ENOX1: variants seen among roughly 807,000 people sequenced by gnomAD.
ENOX1 encodes the protein candidate growth-related and time keeping constitutive hydroquinone (NADH) oxidase.
ENOX1 carries 42 observed loss-of-function variants against 82.5 expected under a neutral mutation model. The observed-to-expected ratio is 0.51, with a 90% CI of 0.40 to 0.66. ENOX1 has a LOEUF of 0.66. Ranked by LOEUF, ENOX1 falls within the 30% of genes least tolerant of loss-of-function variation. ENOX1 has a pLI of 0.00. For synonymous variants in ENOX1, 271 were observed against 282.2 expected (o/e 0.96, Z 0.40); for missense variants, 608 against 811.6 (o/e 0.75, Z 3.05).
rs369366625 is a variant in ENOX1, at chr13:43,616,189, T to G, written c.-219+51290A>C. Among the ~76,000 whole-genome samples, 390 of 12,500 alleles carry G rather than the reference T, an allele frequency of 0.031. 41 individuals are homozygous for G. The East Asian group carries it at 0.39, about 13-fold the overall frequency. 8.2% of individuals were successfully genotyped at this position (12,500 alleles called of 152,430 possible). A position where few individuals can be genotyped will look rare whatever the true frequency, so the allele number is the denominator to read the frequency against. On this transcript the variant is annotated intron_variant, in intron 2 of 16. Coordinates refer to ENST00000690772, the MANE Select transcript of ENOX1 (RefSeq NM_001347969.2). Reference sequence around the variant, plus strand: ...ATCTATCTATCTATCTATCTATCTATATATATATATATATATTTTTTTTTT... The same window carrying G: ...ATCTATCTATCTATCTATCTATCTAGATATATATATATATATTTTTTTTTT...
At chr13:43,655,058 A>G (rs2084367341) in intron 2 of ENOX1, among the ~76,000 whole-genome samples, 1 of 152,016 alleles carries the variant, frequency 6.6e-6, no homozygotes, top group Admixed American at 6.6e-5. Flanking sequence ...GCTCATCCAT[A>G]CACTCAGACC....
rs538105730 is a variant in ENOX1, at chr13:43,517,451, T to C, written c.-218-33299A>G. Among the ~76,000 whole-genome samples, 159 of 152,246 alleles carry C rather than the reference T, an allele frequency of 1.0e-3. 1 individual carries two copies. Among genetic ancestry groups the C allele is most frequent in the African/African-American group, 3.6e-3 (151 of 41,562 alleles). On this transcript the variant is annotated intron_variant, in intron 2 of 16. Transcript: ENST00000690772. The stretch of plus-strand genomic sequence containing the variant: ...AGTTGGAGGTTGCAATGAGCCCAGA[T>C]CGCGCCATTGCACTCCAGCCTGGGC...
chr13:43,555,579 C>A (rs182975326), intron 2 of ENOX1, among the ~76,000 whole-genome samples: 1 of 152,300 alleles, frequency 6.6e-6, no homozygotes, highest in East Asian at 1.9e-4. Context: ...TTAGCAGGAT[C>A]AATATCTCTC....
chr13:43,605,349 C>G (rs1289602526), intron 2 of ENOX1, among the ~76,000 whole-genome samples: 1 of 151,936 alleles, frequency 6.6e-6, no homozygotes, highest in Non-Finnish European at 1.5e-5. Context: ...CCAAAATAGC[C>G]AAAGCTATAC....
At chr13:43,747,064 A>C (rs925178438) in intron 1 of ENOX1, among the ~76,000 whole-genome samples, 4 of 152,160 alleles carry the variant, frequency 2.6e-5, no homozygotes, top group Admixed American at 6.5e-5. Flanking sequence ...GAATGGTGAC[A>C]AGTATAAGTG....
At chr13:43,218,554 G>A (rs2153449421) in intron 16 of ENOX1, among the ~76,000 whole-genome samples, 1 of 152,262 alleles carries the variant, frequency 6.6e-6, no homozygotes, top group East Asian at 1.9e-4. Flanking sequence ...TGAGCACAGG[G>A]GTTGGAGCCT....
chr13:43,329,802 C>G (rs1378335857), intron 9 of ENOX1, among the ~76,000 whole-genome samples: 2 of 152,168 alleles, frequency 1.3e-5, no homozygotes, highest in Non-Finnish European at 2.9e-5. Flanking sequence ...ACCACTCTCA[C>G]AGTATTCACA....
intron 1 of ENOX1, among the ~76,000 whole-genome samples, chr13:43,729,778 C>T (rs762780771): frequency 4.6e-5 from 7 of 152,218 alleles, no homozygotes; most frequent in Non-Finnish European, 8.8e-5. Flanking sequence ...AGGAGTATAC[C>T]TTTGTCTTTA....
chr13:43,716,128 A>G (rs2088112103), intron 1 of ENOX1, among the ~76,000 whole-genome samples: 1 of 152,106 alleles, frequency 6.6e-6, no homozygotes, highest in Admixed American at 6.5e-5. Context: ...GAAGGAGGAG[A>G]GGCGCTCTGC....
At chr13:43,403,769 A>G (rs1406705744) in intron 5 of ENOX1, among the ~76,000 whole-genome samples, 2 of 152,048 alleles carry the variant, frequency 1.3e-5, no homozygotes, top group Non-Finnish European at 2.9e-5. Flanking sequence ...GAGCCCGGGA[A>G]GTTGAAGCTG....
At chr13:43,618,766 T>C (rs1005153808) in intron 2 of ENOX1, among the ~76,000 whole-genome samples, 7 of 152,166 alleles carry the variant, frequency 4.6e-5, no homozygotes, top group Admixed American at 4.6e-4. Flanking sequence ...TTTCTAATTC[T>C]GTGAAGAATG....
chr13:43,264,591 T>C (rs918266520), intron 14 of ENOX1, among the ~76,000 whole-genome samples: 3 of 152,252 alleles, frequency 2.0e-5, no homozygotes, highest in Non-Finnish European at 2.9e-5. Context: ...TAATTTCTCC[T>C]AGCTCTAGTG....
intron 15 of ENOX1, among the ~76,000 whole-genome samples, chr13:43,224,799 T>A (rs943817188): frequency 2.6e-5 from 4 of 152,230 alleles, no homozygotes; most frequent in African/African-American, 4.8e-5. Context: ...ATTATAAGGC[T>A]CTTCCATCGT....
At chr13:43,514,060 C>T (rs2077471171) in intron 2 of ENOX1, among the ~76,000 whole-genome samples, 1 of 152,246 alleles carries the variant, frequency 6.6e-6, no homozygotes. Context: ...TAATAATTAG[C>T]TTTTATTCTT....
chr13:43,663,730 C>T (rs573430903), intron 2 of ENOX1, among the ~76,000 whole-genome samples: 13 of 151,572 alleles, frequency 8.6e-5, no homozygotes, highest in African/African-American at 3.1e-4. Flanking sequence ...TATGAACAAG[C>T]AAGAAAAAGG....
chr13:43,361,820 T>C (rs1344831884), intron 5 of ENOX1, among the ~76,000 whole-genome samples: 1 of 152,120 alleles, frequency 6.6e-6, no homozygotes, highest in Non-Finnish European at 1.5e-5. Context: ...GGGAAGAATA[T>C]CATTTAACAT....
At chr13:43,581,122 A>ATTTTTTTT (rs1351057664) in intron 2 of ENOX1, among the ~76,000 whole-genome samples, 1 of 85,102 alleles carries the variant, frequency 1.2e-5, no homozygotes, top group Non-Finnish European at 2.5e-5. Flanking sequence ...GCACTACCTG[A>ATTTTTTTT]TTCTTTTTTT....
chr13:43,609,111 T>C (rs2082091748), intron 2 of ENOX1, among the ~76,000 whole-genome samples: 1 of 152,230 alleles, frequency 6.6e-6, no homozygotes, highest in Non-Finnish European at 1.5e-5. Context: ...TTTTATAGTC[T>C]AATCTTTGAT....
At chr13:43,420,491 G>A (rs1381838861) in intron 3 of ENOX1, among the ~76,000 whole-genome samples, 8 of 152,156 alleles carry the variant, frequency 5.3e-5, no homozygotes, top group Admixed American at 4.6e-4. Context: ...GTTAACTACT[G>A]GGTGTTTCAT....
Sources: gnomAD v4.1 joint callset for allele counts (sites outside exome capture counted in the v4.1 genomes callset) on GRCh38, gnomAD v4.1.1 for gene constraint, MANE v1.5 for transcripts, NCBI Gene and HGNC (gene_info 2026-07-23, HGNC 2026-07-21) for gene names.